The following DTD1 variants were observed in gnomAD, a reference collection of about 807,000 sequenced individuals.
DTD1 encodes the protein D-aminoacyl-tRNA deacylase 1.
Under a neutral mutation model 25.6 loss-of-function variants are expected in DTD1, and 13 were observed. That is an observed-to-expected ratio of 0.51 (90% CI 0.33 to 0.81). DTD1 has a LOEUF of 0.81. Among genes scored for constraint, DTD1 ranks in the 30% least tolerant of loss-of-function variants. DTD1 has a pLI of 0.02. For synonymous variants in DTD1, 110 were observed against 103.6 expected, an observed-to-expected ratio of 1.06 and a Z score of -0.37; for missense variants, 193 against 266.4, an observed-to-expected ratio of 0.72 and a Z score of 1.92.
intron 4 of DTD1, among the ~76,000 whole-genome samples, chr20:18,691,788 A>G (rs1488138953): frequency 1.3e-5 from 2 of 152,192 alleles, no homozygotes; most frequent in African/African-American, 2.4e-5. Flanking sequence ...GAAAAATTTA[A>G]ATAGCCACAC....
At chr20:18,601,376 G>A (rs976721870) in intron 3 of DTD1, among the ~76,000 whole-genome samples, 15 of 152,060 alleles carry the variant, frequency 9.9e-5, no homozygotes, top group African/African-American at 3.4e-4. Flanking sequence ...GCACGCACCT[G>A]TAATCCCAGT....
chr20:18,672,554 T>C (rs1370916706), intron 4 of DTD1, among the ~76,000 whole-genome samples: 1 of 152,366 alleles, frequency 6.6e-6, no homozygotes, highest in East Asian at 1.9e-4. Flanking sequence ...CCCAAATTGG[T>C]ATTTTATAAC....
intron 4 of DTD1, among the ~76,000 whole-genome samples, chr20:18,633,319 C>G (rs766009256): frequency 6.6e-6 from 1 of 152,162 alleles, no homozygotes; most frequent in Non-Finnish European, 1.5e-5. Context: ...TACCTCGGAG[C>G]TCTTGTCTCA....
intron 4 of DTD1, among the ~76,000 whole-genome samples, chr20:18,707,786 C>T (rs936882557): frequency 6.6e-6 from 1 of 152,122 alleles, no homozygotes; most frequent in Admixed American, 6.5e-5. Flanking sequence ...CACACTCTCT[C>T]ACACACATGT....
intron 4 of DTD1, among the ~76,000 whole-genome samples, chr20:18,684,591 A>G (rs1300521727): frequency 6.6e-6 from 1 of 152,024 alleles, no homozygotes; most frequent in Non-Finnish European, 1.5e-5. Flanking sequence ...CTAGCCCCAA[A>G]TTACCATTTA....
chr20:18,633,387 G>A (rs1267079703), intron 4 of DTD1, among the ~76,000 whole-genome samples: 1 of 152,140 alleles, frequency 6.6e-6, no homozygotes, highest in Non-Finnish European at 1.5e-5. Context: ...TTCCCAGGAA[G>A]CCCCTTCGGC....
intron 3 of DTD1, among the ~76,000 whole-genome samples, chr20:18,618,344 G>T: frequency 6.6e-6 from 1 of 151,030 alleles, no homozygotes. Context: ...TCCTTTTTTT[G>T]TTTTTGTTTT....
intron 4 of DTD1, among the ~76,000 whole-genome samples, chr20:18,658,244 GTGT>G (rs1473454116): frequency 1.3e-5 from 2 of 150,562 alleles, no homozygotes; most frequent in African/African-American, 2.4e-5. Flanking sequence ...CCACCCCTGT[GTGT>G]TGTTGTTGTT....
At chr20:18,595,565 C>T (rs1003906745) in intron 2 of DTD1, among the ~76,000 whole-genome samples, 2 of 152,160 alleles carry the variant, frequency 1.3e-5, no homozygotes, top group African/African-American at 4.8e-5. Flanking sequence ...CCACCGTTCT[C>T]AGCCGAATTG....
intron 4 of DTD1, among the ~76,000 whole-genome samples, chr20:18,663,339 C>T (rs1200506749): frequency 4.6e-5 from 7 of 151,230 alleles, no homozygotes; most frequent in African/African-American, 1.2e-4. Flanking sequence ...GGCAACATGG[C>T]GAGACTCTGT....
intron 3 of DTD1, among the ~76,000 whole-genome samples, chr20:18,619,584 C>A (rs1239372877): frequency 6.6e-6 from 1 of 152,020 alleles, no homozygotes; most frequent in East Asian, 1.9e-4. Context: ...ACCGCCACGC[C>A]TGGCTAATTC....
intron 3 of DTD1, among the ~76,000 whole-genome samples, chr20:18,622,390 T>A (rs1476250397): frequency 6.6e-6 from 1 of 152,186 alleles, no homozygotes; most frequent in African/African-American, 2.4e-5. Flanking sequence ...GTTACCTGAC[T>A]GCAGGAAAAA....
intron 4 of DTD1, among the ~76,000 whole-genome samples, chr20:18,715,629 C>T (rs1011600547): frequency 1.4e-4 from 21 of 152,124 alleles, no homozygotes; most frequent in African/African-American, 4.8e-4. Context: ...GAGATGGAAA[C>T]CATTGTTTAA....
At chr20:18,693,390 C>T (rs1291553287) in intron 4 of DTD1, among the ~76,000 whole-genome samples, 2 of 152,066 alleles carry the variant, frequency 1.3e-5, no homozygotes, top group Non-Finnish European at 2.9e-5. Context: ...GGTGCGGTGG[C>T]TCATGCCTGT....
Position 18,747,281 on chromosome 20 carries a change from A to G in DTD1, c.*19+3010A>G, listed in dbSNP as rs144882162. 4.9e-4 allele frequency among the ~76,000 whole-genome samples: 75 copies of G among 152,302 alleles called. 1 individual carries two copies. In the East Asian group the frequency reaches 0.014, roughly 29 times the overall value. On this transcript the variant is annotated intron_variant, in intron 5 of 5. Transcript: ENST00000377452. ...TTTTGGGTGACAGTGAGTAAGTTCT[A>G]TGGTTTTTCTTCTATTGGAGGAAAA...
chr20:18,746,213 C>T (rs988068116), intron 5 of DTD1, among the ~76,000 whole-genome samples: 1 of 152,216 alleles, frequency 6.6e-6, no homozygotes, highest in East Asian at 1.9e-4. Context: ...CTCGGACATA[C>T]AATTTGGAGC....
At chr20:18,692,842 A>G (rs190609364) in intron 4 of DTD1, among the ~76,000 whole-genome samples, 16 of 151,494 alleles carry the variant, frequency 1.1e-4, no homozygotes, top group African/African-American at 3.6e-4. Context: ...TTATTTTGCT[A>G]TATGCTACTT....
intron 4 of DTD1, among the ~76,000 whole-genome samples, chr20:18,743,270 C>T (rs1447801005): frequency 1.3e-5 from 2 of 152,218 alleles, no homozygotes; most frequent in African/African-American, 4.8e-5. Flanking sequence ...CACCACGCAG[C>T]CTGCAAGCAA....
intron 3 of DTD1, among the ~76,000 whole-genome samples, chr20:18,609,445 C>T (rs527764589): frequency 1.3e-5 from 2 of 152,170 alleles, no homozygotes; most frequent in Admixed American, 6.5e-5. Flanking sequence ...AGCCACCAAG[C>T]CCATCCTAAT....
Sources: allele counts gnomAD v4.1 joint callset (sites outside exome capture counted in the v4.1 genomes callset), GRCh38; gene constraint gnomAD v4.1.1; transcripts MANE v1.5; gene names NCBI Gene and HGNC (gene_info 2026-07-23, HGNC 2026-07-21).